OPRK1: variants seen among roughly 807,000 people sequenced by gnomAD.
OPRK1 encodes the protein kappa-type opioid receptor.
OPRK1 carries 15 observed loss-of-function variants against 24.5 expected under a neutral mutation model. The observed-to-expected ratio is 0.61, with a 90% CI of 0.41 to 0.94. OPRK1 has a LOEUF of 0.94. Among genes scored for constraint, OPRK1 ranks in the 40% least tolerant of loss-of-function variants. The pLI, the probability that OPRK1 is intolerant of heterozygous loss-of-function variation, is 0.00. For synonymous variants in OPRK1, 205 were observed against 198.0 expected (o/e 1.04, Z -0.30); for missense variants, 479 against 507.3 (o/e 0.94, Z 0.54).
In OPRK1 at chr8:53,227,462, A is replaced by G. The variant is rs576572996; in HGVS notation, c.*1835T>C. 1 of 152,320 alleles carries G rather than the reference A, an allele frequency of 6.6e-6. No homozygotes were observed. Among genetic ancestry groups the G allele is most frequent in the African/African-American group, 2.4e-5 (1 of 41,562 alleles). The allele number at this position is 152,320 out of a possible 1,614,324, so 9.4% of individuals were successfully genotyped here. ...TTCTGGAACTATCCTCTATATAGAT[A>G]TCCTTCCTGTACCATAGCCAAGATT... On this transcript the variant is annotated 3_prime_UTR_variant, in exon 4 of 4. Coordinates refer to ENST00000265572, the MANE Select transcript of OPRK1 (RefSeq NM_000912.5).
rs920398461 is a variant in OPRK1, at chr8:53,227,592, C to G, written c.*1705G>C. The G allele has an allele frequency of 6.6e-6, 1 of 151,974 alleles. No individual in the cohort carries two copies. Among genetic ancestry groups the G allele is most frequent in the Non-Finnish European group, 1.5e-5 (1 of 67,986 alleles). The allele number at this position is 151,974 out of a possible 1,614,324, so 9.4% of individuals were successfully genotyped here. A position where few individuals can be genotyped will look rare whatever the true frequency, so the allele number is the denominator to read the frequency against. On this transcript the variant is annotated 3_prime_UTR_variant, in exon 4 of 4. Coordinates refer to ENST00000265572, the MANE Select transcript of OPRK1 (RefSeq NM_000912.5). The stretch of plus-strand genomic sequence containing the variant: ...GAATCTCAATAAAACAAGAAATACT[C>G]AAAAGAGCACTTCATTTTCATTAGG...
rs1807357955 is a variant in OPRK1, at chr8:53,250,761, T to C, written c.257+20A>G. On this transcript the variant is annotated intron_variant, in intron 2 of 3. Transcript: ENST00000265572. ...CCCTGCCCCGCCCAGCCCCCAGCGC[T>C]GCGCTGTCCCCGCGCTCACCGGATG... 3 of 1,590,500 alleles carry C rather than the reference T, an allele frequency of 1.9e-6. No homozygotes were observed. The highest frequency in any genetic ancestry group is 2.6e-6 in the Non-Finnish European group (3 of 1,167,124).
At chr8:53,250,568 A>T (rs534839236) in intron 2 of OPRK1, among the ~76,000 whole-genome samples, 35 of 152,158 alleles carry the variant, frequency 2.3e-4, no homozygotes, top group African/African-American at 7.7e-4. Context: ...GGCCGCTCGG[A>T]TTCGCCTGTG....
At chr8:53,251,363 G>A (rs1004062109) in intron 1 of OPRK1, 85 bp downstream of exon 1, 23 of 402,454 alleles carry the variant, frequency 5.7e-5, no homozygotes, top group Admixed American at 9.2e-5. Context: ...TCCCCAGACT[G>A]CCTGAGTCCC....
chr8:53,233,311 G>T (rs1806901045), intron 3 of OPRK1, among the ~76,000 whole-genome samples: 1 of 152,292 alleles, frequency 6.6e-6, no homozygotes, highest in Non-Finnish European at 1.5e-5. Context: ...ACTCTGTAGG[G>T]GAGGATGTGC....
At chr8:53,251,173 A>C (rs1585527815) in intron 1 of OPRK1, 88 bp from the exon 2 acceptor site, 1 of 1,351,780 alleles carries the variant, frequency 7.4e-7, no homozygotes, top group Non-Finnish European at 9.6e-7. Context: ...GAGCCTGCGG[A>C]CTCCCACCCG....
At chr8:53,239,407 A>T (rs1807066195) in intron 2 of OPRK1, among the ~76,000 whole-genome samples, 1 of 152,190 alleles carries the variant, frequency 6.6e-6, no homozygotes, top group Non-Finnish European at 1.5e-5. Flanking sequence ...GAGATTTGAG[A>T]AAGATCTGGA....
In OPRK1 at chr8:53,229,566, TGTGAATGGGAGTCCAGCAGA is replaced by T; in HGVS notation, c.854_873del (p.Val285AspfsTer33). 6.2e-7 allele frequency: 1 copy of T among 1,614,100 alleles called. No individual in the cohort carries two copies. ...CCCAGAGCCTCCACCAGGATGAATA[TGTGAATGGGAGTCCAGCAGA>T]CGACGAAGACTGCCACCACCACCAG... is the stretch of plus-strand genomic sequence containing the variant. On this transcript the variant is annotated frameshift_variant, in exon 4 of 4. Coordinates refer to ENST00000265572, the MANE Select transcript of OPRK1 (RefSeq NM_000912.5). LOFTEE classifies it high-confidence loss of function.
chr8:53,246,351 G>T (rs1397954565), intron 2 of OPRK1, among the ~76,000 whole-genome samples: 1 of 152,156 alleles, frequency 6.6e-6, no homozygotes, highest in East Asian at 1.9e-4. Context: ...CAGGGCAGAG[G>T]ACTGCGTGGA....
intron 2 of OPRK1, among the ~76,000 whole-genome samples, chr8:53,241,749 G>C (rs1345535842): frequency 2.0e-5 from 3 of 152,206 alleles, no homozygotes; most frequent in Non-Finnish European, 4.4e-5. Context: ...AAGCGCAAAG[G>C]CGTCAAGAGA....
chr8:53,237,132 C>T (rs1373338516), intron 2 of OPRK1, among the ~76,000 whole-genome samples: 1 of 152,150 alleles, frequency 6.6e-6, no homozygotes, highest in Admixed American at 6.5e-5. Flanking sequence ...ACTCCCACCT[C>T]CCTTCTTACG....
Position 53,251,005 on chromosome 8 carries a change from C to G in OPRK1, c.33G>C (p.Glu11Asp). The G allele has an allele frequency of 5.1e-6, 8 of 1,573,758 alleles. No individual in the cohort carries two copies. The highest frequency in any genetic ancestry group is 6.9e-6 in the Non-Finnish European group (8 of 1,162,814). Reference sequence around the variant, plus strand: ...CGCTCGGGGCGCAGGTAGGGCCCGGCTCCCCGCGGAAGATCTGGATCGGGG... The same window carrying G: ...CGCTCGGGGCGCAGGTAGGGCCCGGGTCCCCGCGGAAGATCTGGATCGGGG... MDSPIQIFRG[E>D]PGPTCAPSAC... Residue 11 changes from glutamate (E) to aspartate (D), a missense_variant, in exon 2 of 4, where the codon GAG becomes GAC. By Grantham distance (45) the Glu-to-Asp change is conservative. Transcript: ENST00000265572.
In OPRK1 at chr8:53,229,066, C is replaced by G. The variant is rs1354654205; in HGVS notation, c.*231G>C. ...CATCAGAGGAACTGAGGCTCTGCCT[C>G]GCTTCTGTGCCCTAGAGAAGAGGTG... On this transcript the variant is annotated 3_prime_UTR_variant, in exon 4 of 4. Coordinates refer to ENST00000265572, the MANE Select transcript of OPRK1 (RefSeq NM_000912.5). The G allele has an allele frequency of 2.2e-6, 1 of 461,936 alleles. No individual in the cohort carries two copies. The highest frequency in any genetic ancestry group is 3.8e-6 in the Non-Finnish European group (1 of 261,164). The allele number at this position is 461,936 out of a possible 1,614,324, so 28.6% of individuals were successfully genotyped here. A position where few individuals can be genotyped will look rare whatever the true frequency, so the allele number is the denominator to read the frequency against.
intron 2 of OPRK1, among the ~76,000 whole-genome samples, chr8:53,245,427 T>C (rs1003431371): frequency 5.3e-5 from 8 of 152,200 alleles, no homozygotes; most frequent in African/African-American, 1.4e-4. Flanking sequence ...GATCTCAGGC[T>C]TCTGGCCTCC....
chr8:53,228,240 A>G lies in OPRK1; in HGVS notation c.*1057T>C, dbSNP rs199718772. 1 of 152,240 alleles carries G rather than the reference A, an allele frequency of 6.6e-6. No individual in the cohort carries two copies. The highest frequency in any genetic ancestry group is 2.4e-5 in the African/African-American group (1 of 41,472). 9.4% of individuals were successfully genotyped at this position (152,240 alleles called of 1,614,324 possible). A position where few individuals can be genotyped will look rare whatever the true frequency, so the allele number is the denominator to read the frequency against. On this transcript the variant is annotated 3_prime_UTR_variant, in exon 4 of 4. Coordinates refer to ENST00000265572, the MANE Select transcript of OPRK1 (RefSeq NM_000912.5). ...AATAGAGAGATCTGCGAATCGCTAT[A>G]TGTTCATAAAGAGATGTGGCAAATA...
intron 2 of OPRK1, among the ~76,000 whole-genome samples, chr8:53,249,380 G>A (rs1267929439): frequency 1.3e-5 from 2 of 152,244 alleles, no homozygotes; most frequent in East Asian, 3.9e-4. Flanking sequence ...TCTCTTTAGT[G>A]GAGGCCAGCC....
At chr8:53,232,676 TTA>T (rs1368018884) in intron 3 of OPRK1, among the ~76,000 whole-genome samples, 2 of 152,216 alleles carry the variant, frequency 1.3e-5, no homozygotes, top group African/African-American at 2.4e-5. Context: ...TTTGGTTTCT[TTA>T]TATATTAATA....
intron 2 of OPRK1, among the ~76,000 whole-genome samples, chr8:53,247,266 A>G (rs1319448929): frequency 6.6e-6 from 1 of 152,234 alleles, no homozygotes. Context: ...ATGGTGGGAA[A>G]TGAGGAGCAG....
chr8:53,249,576 T>A (rs542780667), intron 2 of OPRK1, among the ~76,000 whole-genome samples: 3 of 152,146 alleles, frequency 2.0e-5, no homozygotes, highest in Non-Finnish European at 4.4e-5. Flanking sequence ...GCGACTTAAA[T>A]GATGGTTTTT....
Sources: allele counts gnomAD v4.1 joint callset (sites outside exome capture counted in the v4.1 genomes callset), GRCh38; gene constraint gnomAD v4.1.1; transcripts MANE v1.5; gene names NCBI Gene and HGNC (gene_info 2026-07-23, HGNC 2026-07-21).